Variants in SDCCAG8 observed in about 807,000 individuals in gnomAD.
SDCCAG8 encodes SHH signaling and ciliogenesis regulator SDCCAG8.
In SDCCAG8, 74 loss-of-function variants were observed where a neutral mutation model predicts 101.8. That is an observed-to-expected ratio of 0.73 (90% CI 0.60 to 0.88). The LOEUF is 0.88. Ranked by LOEUF, SDCCAG8 falls within the 40% of genes least tolerant of loss-of-function variation. The pLI, the probability that SDCCAG8 is intolerant of heterozygous loss-of-function variation, is 0.00. For synonymous variants in SDCCAG8, 281 were observed against 292.9 expected (o/e 0.96, Z 0.41); for missense variants, 787 against 822.6 (o/e 0.96, Z 0.53).
At chr1:243,489,524 A>C (rs1665861985) in intron 17 of SDCCAG8, among the ~76,000 whole-genome samples, 1 of 152,122 alleles carries the variant, frequency 6.6e-6, no homozygotes, top group Admixed American at 6.6e-5. Flanking sequence ...GTATGGTTTG[A>C]ATTGGTTGAG....
rs183413209 is a variant in SDCCAG8, at chr1:243,481,069, G to A, written c.1986-7945G>A. ...GTGTCAGGTGGTGAGTTTGAGGTGG[G>A]CTTGGAAATGCAAGAGAGAGGCCCG... On this transcript the variant is annotated intron_variant, in intron 16 of 17. Transcript: ENST00000366541. Among the ~76,000 whole-genome samples the A allele has an allele frequency of 5.3e-5, 8 of 152,156 alleles. No homozygotes were observed. In the East Asian group the frequency reaches 1.5e-3, roughly 29 times the overall value.
At chr1:243,442,533 T>G (rs1297932615) in intron 16 of SDCCAG8, among the ~76,000 whole-genome samples, 1 of 152,128 alleles carries the variant, frequency 6.6e-6, no homozygotes, top group African/African-American at 2.4e-5. Context: ...ACACAGTGCC[T>G]CTGGATTTTA....
At chr1:243,334,037 T>TA (rs2074817763) in intron 10 of SDCCAG8, among the ~76,000 whole-genome samples, 1 of 152,170 alleles carries the variant, frequency 6.6e-6, no homozygotes, top group East Asian at 1.9e-4. Context: ...GTGGATCCAC[T>TA]ATTTATCCAG....
chr1:243,297,195 T>C (rs191122968), intron 6 of SDCCAG8, among the ~76,000 whole-genome samples: 65 of 152,346 alleles, frequency 4.3e-4, no homozygotes, highest in African/African-American at 1.5e-3. Flanking sequence ...TTGTATAGTA[T>C]GTATTCTTTG....
intron 6 of SDCCAG8, among the ~76,000 whole-genome samples, chr1:243,294,310 C>T (rs889007817): frequency 2.0e-5 from 3 of 152,214 alleles, no homozygotes; most frequent in Admixed American, 6.5e-5. Flanking sequence ...CTGTAATACT[C>T]CTTTTGTTTT....
intron 13 of SDCCAG8, among the ~76,000 whole-genome samples, chr1:243,408,354 GC>G (rs1339312374): frequency 3.3e-5 from 5 of 152,224 alleles, no homozygotes; most frequent in African/African-American, 1.2e-4. Flanking sequence ...AGAGTCTGTG[GC>G]CACTTGAGGC....
At chr1:243,454,528 T>C (rs1034032438) in intron 16 of SDCCAG8, among the ~76,000 whole-genome samples, 3 of 152,146 alleles carry the variant, frequency 2.0e-5, no homozygotes, top group African/African-American at 7.2e-5. Flanking sequence ...CTGTACCCGT[T>C]TGGGCATGTC....
At chr1:243,259,314 G>A (rs559818215) in intron 1 of SDCCAG8, among the ~76,000 whole-genome samples, 2 of 152,250 alleles carry the variant, frequency 1.3e-5, no homozygotes, top group African/African-American at 4.8e-5. Context: ...GGCTGAGGCA[G>A]GAGAATGGCA....
At chr1:243,475,940 A>G in intron 16 of SDCCAG8, 6 of 985,434 alleles carry the variant, frequency 6.1e-6, no homozygotes, top group Non-Finnish European at 7.2e-6. Context: ...GTGGCACACA[A>G]CTGGGCAGGC....
intron 16 of SDCCAG8, among the ~76,000 whole-genome samples, chr1:243,432,847 A>G (rs1431332281): frequency 6.6e-6 from 1 of 152,196 alleles, no homozygotes; most frequent in African/African-American, 2.4e-5. Flanking sequence ...TGCTTATTTT[A>G]AATGAAATGC....
intron 12 of SDCCAG8, among the ~76,000 whole-genome samples, chr1:243,349,273 G>C (rs1359525284): frequency 6.6e-6 from 1 of 152,180 alleles, no homozygotes; most frequent in Non-Finnish European, 1.5e-5. Flanking sequence ...ATAAAAAAGT[G>C]TTAGCCAACT....
intron 13 of SDCCAG8, among the ~76,000 whole-genome samples, chr1:243,408,754 A>G (rs2079962681): frequency 6.6e-6 from 1 of 152,158 alleles, no homozygotes; most frequent in Admixed American, 6.6e-5. Flanking sequence ...CTAGGCTCCC[A>G]TTTTCTTATC....
intron 12 of SDCCAG8, among the ~76,000 whole-genome samples, chr1:243,346,695 C>T (rs1157123916): frequency 6.6e-6 from 1 of 152,194 alleles, no homozygotes; most frequent in Non-Finnish European, 1.5e-5. Flanking sequence ...GTGTCAGGAA[C>T]CGATGGGCGG....
intron 17 of SDCCAG8, among the ~76,000 whole-genome samples, chr1:243,492,025 A>T (rs1275118456): frequency 6.6e-6 from 1 of 151,978 alleles, no homozygotes; most frequent in Non-Finnish European, 1.5e-5. Flanking sequence ...CTGGGTCCTG[A>T]GCCCCGCTGC....
At chr1:243,316,701 AGG>A (rs2073271382) in intron 8 of SDCCAG8, 52 bp from the exon 9 acceptor site, 1 of 1,610,334 alleles carries the variant, frequency 6.2e-7, no homozygotes, top group South Asian at 1.1e-5. Flanking sequence ...CTGACTTATG[AGG>A]ACAGGATCGT....
chr1:243,380,547 T>C (rs1005111835), intron 13 of SDCCAG8, among the ~76,000 whole-genome samples: 8 of 152,202 alleles, frequency 5.3e-5, no homozygotes, highest in Non-Finnish European at 8.8e-5. Flanking sequence ...CCGTATAGTA[T>C]CAATTTATAG....
intron 6 of SDCCAG8, among the ~76,000 whole-genome samples, chr1:243,294,483 GA>G (rs202149187): frequency 0.35 from 33,698 of 97,522 alleles, 5,163 homozygotes; most frequent in East Asian, 0.61. Flanking sequence ...TGGGGGGGGG[GA>G]GAGAGAGAGA....
chr1:243,316,927 T>C, intron 9 of SDCCAG8, 34 bp downstream of exon 9: 2 of 1,603,276 alleles, frequency 1.2e-6, no homozygotes, highest in Non-Finnish European at 1.7e-6. Flanking sequence ...AAAGTGTCTT[T>C]CTTTTTTTTT....
chr1:243,412,720 G>A (rs1388029178), intron 13 of SDCCAG8, among the ~76,000 whole-genome samples: 1 of 151,970 alleles, frequency 6.6e-6, no homozygotes, highest in Non-Finnish European at 1.5e-5. Context: ...CTGCTCTAGA[G>A]TATTATAAAA....
Sources: allele counts gnomAD v4.1 joint callset (sites outside exome capture counted in the v4.1 genomes callset), GRCh38; gene constraint gnomAD v4.1.1; transcripts MANE v1.5; gene names NCBI Gene and HGNC (gene_info 2026-07-23, HGNC 2026-07-21).